The following FAM199X variants were observed in gnomAD, a reference collection of about 807,000 sequenced individuals.
FAM199X encodes the protein family with sequence similarity 199, X-linked, also known as protein FAM199X.
FAM199X carries 4 observed loss-of-function variants against 22.9 expected under a neutral mutation model. The observed-to-expected ratio is 0.17, with a 90% confidence interval of 0.09 to 0.40. FAM199X has a LOEUF of 0.40. FAM199X is among the 10% of genes least tolerant of loss of function. The probability of loss-of-function intolerance (pLI) is 1.00; values close to 1 mark genes in which losing one functional copy is unlikely to be tolerated. For missense variants in FAM199X, 183 were observed against 306.8 expected, an observed-to-expected ratio of 0.60 and a Z score of 3.01; for synonymous variants, 101 against 112.3, an observed-to-expected ratio of 0.90 and a Z score of 0.64.
At chrX:104,187,580 A>G (rs1344259699) in intron 4 of FAM199X, among the ~76,000 whole-genome samples, 1 of 112,390 alleles carries the variant, frequency 8.9e-6, no homozygotes, top group Admixed American at 9.4e-5. Flanking sequence ...TTTCATTAGT[A>G]TGATAAATTG....
intron 4 of FAM199X, among the ~76,000 whole-genome samples, chrX:104,187,446 C>T (rs1305619011): frequency 8.9e-6 from 1 of 111,796 alleles, no homozygotes; most frequent in East Asian, 2.8e-4. Context: ...TGAATACTTA[C>T]GTTCTTATGT....
At chrX:104,182,331 C>A (rs1921681245) in intron 2 of FAM199X, among the ~76,000 whole-genome samples, 1 of 110,955 alleles carries the variant, frequency 9.0e-6, no homozygotes, top group Non-Finnish European at 1.9e-5. Flanking sequence ...TCCCATTTTT[C>A]TTTCCATGTT....
intron 2 of FAM199X, among the ~76,000 whole-genome samples, chrX:104,181,211 G>C (rs1194470086): frequency 8.9e-6 from 1 of 112,582 alleles, no homozygotes; most frequent in African/African-American, 3.2e-5. Context: ...ATATGGCAGA[G>C]ATTTAAGTCT....
At chrX:104,182,823 T>C (rs1921696409) in intron 2 of FAM199X, among the ~76,000 whole-genome samples, 1 of 111,529 alleles carries the variant, frequency 9.0e-6, no homozygotes, top group Non-Finnish European at 1.9e-5. Flanking sequence ...TATATCTCTT[T>C]ATTGAGTGTT....
At chrX:104,165,228 G>C (rs1305130744), upstream of FAM199X, among the ~76,000 whole-genome samples, 1 of 112,589 alleles carries the variant, frequency 8.9e-6, no homozygotes, top group Non-Finnish European at 1.9e-5. Context: ...AAGAAAGCCG[G>C]CATGCTCAAC....
chrX:104,166,845 C>T lies in FAM199X; in HGVS notation c.60C>T (p.Pro20=). The change falls in exon 1 of 6, where the codon CCC becomes CCT. Residue 20 remains proline (P), a synonymous_variant. Transcript: ENST00000493442. The part of the protein sequence containing the change: ...SYEKFLTPEE[P]FPLLGPPRGV... ...AGAAGTTTCTAACCCCCGAGGAGCCCTTCCCACTCCTGGGACCTCCTCGCG... is the reference window on the plus strand; with the variant it reads ...AGAAGTTTCTAACCCCCGAGGAGCCTTTCCCACTCCTGGGACCTCCTCGCG... 1 of 1,209,074 alleles carries T rather than the reference C, an allele frequency of 8.3e-7. No homozygotes were observed. The highest frequency in any genetic ancestry group is 1.1e-6 in the Non-Finnish European group (1 of 894,024).
intron 2 of FAM199X, among the ~76,000 whole-genome samples, chrX:104,176,905 AAG>A (rs782796258): frequency 8.9e-6 from 1 of 112,014 alleles, no homozygotes; most frequent in East Asian, 2.8e-4. Context: ...TTAAGAAAAA[AAG>A]TAATTCACAA....
rs1351946313 is a variant in FAM199X, at chrX:104,166,474, T to C, written c.-312T>C. The C allele has an allele frequency of 6.7e-6, 1 of 149,586 alleles. No individual in the cohort carries two copies. Among genetic ancestry groups the C allele is most frequent in the Non-Finnish European group, 1.3e-5 (1 of 77,757 alleles). 12.3% of individuals were successfully genotyped at this position (149,586 alleles called of 1,213,427 possible). A position where few individuals can be genotyped will look rare whatever the true frequency, so the allele number is the denominator to read the frequency against. On this transcript the variant is annotated 5_prime_UTR_variant, in exon 1 of 6. Transcript: ENST00000493442. ...CTGCAGTCGCAAGCGGCGAGCGCAG[T>C]GGGCGGGGCGGGCCTGGCCGGGCCG...
chrX:104,184,669 C>T (rs1379597373), intron 2 of FAM199X, among the ~76,000 whole-genome samples: 1 of 110,855 alleles, frequency 9.0e-6, no homozygotes. Context: ...TGCTTTTATT[C>T]CTCCTTTGTC....
chrX:104,186,049 T>A lies in FAM199X; in HGVS notation c.418-17T>A. 2 of 1,199,594 alleles carry A rather than the reference T, an allele frequency of 1.7e-6. No individual in the cohort carries two copies. Among genetic ancestry groups the A allele is most frequent in the Non-Finnish European group, 1.1e-6 (1 of 890,868 alleles). ...AATTTTGCTTTCCTTCCCCACACCC[T>A]CCTTATTTTTATAAAGTTACCAGGC... On this transcript the variant is annotated splice_polypyrimidine_tract_variant and intron_variant, in intron 2 of 5. Coordinates refer to ENST00000493442, the MANE Select transcript of FAM199X (RefSeq NM_207318.4).
chrX:104,168,142 T>C (rs1159983176), intron 1 of FAM199X, among the ~76,000 whole-genome samples: 1 of 112,520 alleles, frequency 8.9e-6, no homozygotes, highest in Non-Finnish European at 1.9e-5. Flanking sequence ...ATGAAAGTTA[T>C]AGTCTATGGA....
At chrX:104,157,524 T>A in the FAM199X span, among the ~76,000 whole-genome samples, 2 of 112,028 alleles carry the variant, frequency 1.8e-5, no homozygotes, top group African/African-American at 6.5e-5. Flanking sequence ...GGCTTTTTCA[T>A]CTGTAGAATT....
intron 1 of FAM199X, among the ~76,000 whole-genome samples, chrX:104,171,609 C>T (rs1921355853): frequency 8.9e-6 from 1 of 111,909 alleles, no homozygotes; most frequent in African/African-American, 3.2e-5. Context: ...GATCCTTTTC[C>T]CCAAAGGTAA....
rs2147900097 is a variant in FAM199X, at chrX:104,193,589, G to A, written c.*3811G>A. The A allele has an allele frequency of 1.1e-5, 1 of 92,351 alleles. No individual in the cohort carries two copies. Among genetic ancestry groups the A allele is most frequent in the East Asian group, 3.5e-4 (1 of 2,866 alleles). The allele number at this position is 92,351 out of a possible 1,213,427, so 7.6% of individuals were successfully genotyped here. ...AAAAACATTTGTTTGGAATTGAAGG[G>A]TACTCGCAGTCCGTTTATAGTTTGG... On this transcript the variant is annotated 3_prime_UTR_variant, in exon 6 of 6. Transcript: ENST00000493442.
intron 5 of FAM199X, among the ~76,000 whole-genome samples, chrX:104,189,284 AT>A (rs1921880625): frequency 9.0e-6 from 1 of 111,592 alleles, no homozygotes; most frequent in South Asian, 3.7e-4. Context: ...AGTATTAATT[AT>A]GTGTTCATTA....
At chrX:104,164,292 G>A (rs142592790), upstream of FAM199X, among the ~76,000 whole-genome samples, 2 of 112,125 alleles carry the variant, frequency 1.8e-5, no homozygotes, top group East Asian at 2.8e-4. Context: ...TCAGACTACT[G>A]CAACCCTTCA....
the FAM199X span, among the ~76,000 whole-genome samples, chrX:104,160,576 C>T: frequency 9.0e-6 from 1 of 111,691 alleles, no homozygotes; most frequent in Admixed American, 9.5e-5. Flanking sequence ...AAGCATGCTC[C>T]GATTAGTCTA....
At chrX:104,166,394 C>A (rs1208573720), upstream of FAM199X, among the ~76,000 whole-genome samples, 1 of 111,350 alleles carries the variant, frequency 9.0e-6, no homozygotes, top group Non-Finnish European at 1.9e-5. Flanking sequence ...CAGCAGGGGG[C>A]ACGGGGAGTG....
chrX:104,174,507 C>T (rs187964078), intron 1 of FAM199X, among the ~76,000 whole-genome samples: 14 of 110,985 alleles, frequency 1.3e-4, no homozygotes, highest in Non-Finnish European at 2.1e-4. Context: ...ACCTTTCAAG[C>T]AACTGTATCC....
Sources: gnomAD v4.1 joint callset for allele counts (sites outside exome capture counted in the v4.1 genomes callset) on GRCh38, gnomAD v4.1.1 for gene constraint, MANE v1.5 for transcripts, NCBI Gene and HGNC (gene_info 2026-07-23, HGNC 2026-07-21) for gene names.